CYP26C1: variants seen among roughly 807,000 people sequenced by gnomAD.
CYP26C1 encodes cytochrome P450 family 26 subfamily C member 1.
CYP26C1 carries 41 observed loss-of-function variants against 39.1 expected under a neutral mutation model. The observed-to-expected ratio is 1.05, with a 90% confidence interval of 0.82 to 1.36. The LOEUF (loss-of-function observed/expected upper bound fraction) is 1.36. Ranked by LOEUF, CYP26C1 falls within the 40% of genes most tolerant of loss-of-function variation. The pLI, the probability that CYP26C1 is intolerant of heterozygous loss-of-function variation, is 0.00. For missense variants in CYP26C1, 833 were observed against 752.0 expected (o/e 1.11, Z -1.26); for synonymous variants, 362 against 350.8 (o/e 1.03, Z -0.36).
Position 93,066,209 on chromosome 10 carries a change from T to TG in CYP26C1, c.1117dup (p.Val373GlyfsTer38), listed in dbSNP as rs2134414631. The TG allele has an allele frequency of 2.7e-6, 4 of 1,476,384 alleles. No homozygotes were observed. The highest frequency in any genetic ancestry group is 2.7e-6 in the Non-Finnish European group (3 of 1,116,270). 91.5% of individuals were successfully genotyped at this position (1,476,384 alleles called of 1,614,324 possible). On this transcript the variant is annotated frameshift_variant, in exon 5 of 6. Transcript: ENST00000651965. LOFTEE classifies it high-confidence loss of function. ...GGCCGTCTGCGCTACGTCGACTGCG[T>TG]GGTCAAGGAGGTGCTGCGCCTCCTG...
At chr10:93,061,800 C>A (rs1401361457) in intron 1 of CYP26C1, among the ~76,000 whole-genome samples, 1 of 152,228 alleles carries the variant, frequency 6.6e-6, no homozygotes, top group Non-Finnish European at 1.5e-5. Flanking sequence ...GCCCTCACTT[C>A]TTCACTCTGA....
intron 4 of CYP26C1, 78 bp downstream of exon 4, chr10:93,064,614 G>T: frequency 6.5e-7 from 1 of 1,532,864 alleles, no homozygotes; most frequent in Non-Finnish European, 8.8e-7. Context: ...CATCCCCAGA[G>T]CCACATCTTG....
intron 1 of CYP26C1, among the ~76,000 whole-genome samples, chr10:93,061,721 G>A (rs775467847): frequency 6.6e-6 from 1 of 152,188 alleles, no homozygotes; most frequent in Non-Finnish European, 1.5e-5. Flanking sequence ...TTTTAGGAAG[G>A]GGTCTGAGGA....
intron 1 of CYP26C1, 138 bp downstream of exon 1, chr10:93,061,605 A>C: frequency 1.8e-6 from 2 of 1,130,940 alleles, no homozygotes; most frequent in Non-Finnish European, 2.5e-6. Context: ...AGCGCGCACA[A>C]CTCTCGCCTT....
rs769763099 is a variant in CYP26C1 at position 93,068,489 on chromosome 10, G to A, written c.1361G>A (p.Gly454Asp). ...SSRFHYIPFG[G>D]GARSCLGQEL... is the part of the protein sequence containing the mutation. Reference sequence around the variant, plus strand: ...CGCTTCCATTACATCCCGTTCGGCGGCGGTGCGCGCAGCTGCCTCGGCCAG... The same window carrying A: ...CGCTTCCATTACATCCCGTTCGGCGACGGTGCGCGCAGCTGCCTCGGCCAG... Residue 454 changes from glycine (G) to aspartate (D), a missense_variant, in exon 6 of 6, where the codon GGC becomes GAC. Gly to Asp is a moderately conservative substitution (Grantham distance 94, BLOSUM62 -1). Coordinates refer to ENST00000651965, the MANE Select transcript of CYP26C1 (RefSeq NM_183374.3). The A allele has an allele frequency of 6.2e-7, 1 of 1,608,910 alleles. No individual in the cohort carries two copies. Among genetic ancestry groups the A allele is most frequent in the Non-Finnish European group, 8.5e-7 (1 of 1,178,154 alleles).
Position 93,066,105 on chromosome 10 carries a change from C to A in CYP26C1, c.1011C>A (p.Cys337Ter). 1 of 1,323,178 alleles carries A rather than the reference C, an allele frequency of 7.6e-7. No individual in the cohort carries two copies. 82.0% of individuals were successfully genotyped at this position (1,323,178 alleles called of 1,614,324 possible). A position where few individuals can be genotyped will look rare whatever the true frequency, so the allele number is the denominator to read the frequency against. The change falls in exon 5 of 6, where the codon TGC becomes TGA. Residue 337 changes from cysteine (C) to a stop codon, truncating the protein, a stop_gained. Coordinates refer to ENST00000651965, the MANE Select transcript of CYP26C1 (RefSeq NM_183374.3). LOFTEE classifies it high-confidence loss of function. Reference sequence around the variant, plus strand: ...AGGGGCTGGGGCGCGCGTGCGGCTGCGCGCCCGGGGCCGCTGGGGGCAGCG... The same window carrying A: ...AGGGGCTGGGGCGCGCGTGCGGCTGAGCGCCCGGGGCCGCTGGGGGCAGCG... ...VAQGLGRACG[C>*]APGAAGGSEG...
intron 5 of CYP26C1, among the ~76,000 whole-genome samples, chr10:93,067,288 C>T (rs1156909758): frequency 6.6e-6 from 1 of 152,238 alleles, no homozygotes; most frequent in Non-Finnish European, 1.5e-5. Flanking sequence ...TGCTGGATGA[C>T]ACCAACACAT....
At chr10:93,066,410 C>T (rs1481215242) in intron 5 of CYP26C1, 125 bp downstream of exon 5, 18 of 917,524 alleles carry the variant, frequency 2.0e-5, no homozygotes, top group Non-Finnish European at 2.0e-5. Flanking sequence ...GGCGCGGTCA[C>T]CTCTTTTGCC....
At chr10:93,063,965 T>G in intron 3 of CYP26C1, 1 of 1,000,326 alleles carries the variant, frequency 1.0e-6, no homozygotes, top group Non-Finnish European at 1.2e-6. Flanking sequence ...GTCCTCTAAG[T>G]CAGAGCTTTG....
Position 93,062,853 on chromosome 10 carries a change from T to A in CYP26C1, c.563T>A (p.Leu188His). The A allele has an allele frequency of 6.3e-7, 1 of 1,599,096 alleles. No individual in the cohort carries two copies. Among genetic ancestry groups the A allele is most frequent in the Non-Finnish European group, 8.5e-7 (1 of 1,177,648 alleles). The change falls in exon 3 of 6, where the codon CTC becomes CAC. Residue 188 changes from leucine to histidine, a missense_variant. Physicochemically the swap from Leu to His is moderately conservative, Grantham distance 99. Transcript: ENST00000651965. The part of the protein sequence containing the change: ...PVSVYDASKA[L>H]TFRMAARILL... ...TCAGTCTACGACGCCTCCAAAGCGC[T>A]CACCTTCCGCATGGCCGCGCGCATC...
In CYP26C1 at chr10:93,069,437, C is replaced by A. The variant is rs1846868902; in HGVS notation, c.*740C>A. 1 of 152,246 alleles carries A rather than the reference C, an allele frequency of 6.6e-6. No individual in the cohort carries two copies. Among genetic ancestry groups the A allele is most frequent in the Non-Finnish European group, 1.5e-5 (1 of 68,060 alleles). 9.4% of individuals were successfully genotyped at this position (152,246 alleles called of 1,614,324 possible). The stretch of plus-strand genomic sequence containing the variant: ...AATAGGCACACCAACACGTCTCCAA[C>A]GCTGGATTATTTTCATGGGAGGTTG... On this transcript the variant is annotated 3_prime_UTR_variant, in exon 6 of 6. Coordinates refer to ENST00000651965, the MANE Select transcript of CYP26C1 (RefSeq NM_183374.3).
In CYP26C1 at chr10:93,062,191, C is replaced by CA; in HGVS notation, c.387dup (p.Leu130ThrfsTer39). On this transcript the variant is annotated frameshift_variant, in exon 2 of 6. Coordinates refer to ENST00000651965, the MANE Select transcript of CYP26C1 (RefSeq NM_183374.3). LOFTEE classifies it high-confidence loss of function. ...GCGCACATCCTGCTGGGCTCGCACACACTGCTAGGTGCGGTCGGCGAGCCG... is the reference window on the plus strand; with the variant it reads ...GCGCACATCCTGCTGGGCTCGCACACAACTGCTAGGTGCGGTCGGCGAGCCG... 6.5e-7 allele frequency: 1 copy of CA among 1,535,898 alleles called. No individual in the cohort carries two copies. Among genetic ancestry groups the CA allele is most frequent in the Non-Finnish European group, 8.7e-7 (1 of 1,146,216 alleles).
In CYP26C1 at chr10:93,066,005, C is replaced by A; in HGVS notation, c.911C>A (p.Ala304Asp). The A allele has an allele frequency of 1.3e-6, 2 of 1,581,374 alleles. 1 individual carries two copies. Among genetic ancestry groups the A allele is most frequent in the South Asian group, 2.3e-5 (2 of 88,566 alleles). ...LFAAFFTTAS[A>D]STSLVLLLLQ... ...GCCGCCTTCTTCACCACGGCCAGTG[C>A]CAGCACCTCGCTCGTCCTGCTGCTA... is the stretch of plus-strand genomic sequence containing the variant. The change falls in exon 5 of 6, where the codon GCC becomes GAC. Residue 304 changes from alanine to aspartate, a missense_variant. Ala to Asp is a moderately radical substitution (Grantham distance 126, BLOSUM62 -2). Transcript: ENST00000651965.
At chr10:93,065,265 G>A (rs1846809836) in intron 4 of CYP26C1, among the ~76,000 whole-genome samples, 1 of 152,218 alleles carries the variant, frequency 6.6e-6, no homozygotes, top group Non-Finnish European at 1.5e-5. Flanking sequence ...AGACATCCCT[G>A]AAGGGTAGGC....
In CYP26C1 at chr10:93,068,525, A is replaced by G; in HGVS notation, c.1397A>G (p.Gln466Arg). ...AGCTGCCTCGGCCAGGAGCTGGCGC[A>G]AGCCGTGCTCCAGCTGCTAGCTGTG... ...ARSCLGQELAQAVLQLLAVEL... is the reference protein window; with the variant it reads ...ARSCLGQELARAVLQLLAVEL... Residue 466 changes from glutamine to arginine, a missense_variant, in exon 6 of 6, where the codon CAA becomes CGA. Coordinates refer to ENST00000651965, the MANE Select transcript of CYP26C1 (RefSeq NM_183374.3). 1 of 1,603,714 alleles carries G rather than the reference A, an allele frequency of 6.2e-7. No homozygotes were observed. Among genetic ancestry groups the G allele is most frequent in the Non-Finnish European group, 8.5e-7 (1 of 1,175,580 alleles).
chr10:93,063,100 T>A, intron 3 of CYP26C1, 105 bp downstream of exon 3: 2 of 1,461,188 alleles, frequency 1.4e-6, no homozygotes, highest in Non-Finnish European at 9.0e-7. Context: ...GTCCGTCACC[T>A]CTGCTGGGAA....
intron 3 of CYP26C1, chr10:93,063,363 T>C: frequency 9.6e-7 from 1 of 1,036,356 alleles, no homozygotes; most frequent in Non-Finnish European, 1.2e-6. Flanking sequence ...CCATCACCTC[T>C]TCGGAAGCCC....
In CYP26C1 at chr10:93,064,894, A is replaced by G. The variant is rs1397548137; in HGVS notation, c.861+358A>G. The G allele has an allele frequency of 9.5e-6, 9 of 950,044 alleles. No individual in the cohort carries two copies. The African/African-American group carries it at 1.6e-4, about 17-fold the overall frequency. 58.9% of individuals were successfully genotyped at this position (950,044 alleles called of 1,614,324 possible). Reference sequence around the variant, plus strand: ...TCCCCCTGCCTACAAAGCCCTCATTATTCATTTTTTCTAGAAACTCTAAGG... The same window carrying G: ...TCCCCCTGCCTACAAAGCCCTCATTGTTCATTTTTTCTAGAAACTCTAAGG... On this transcript the variant is annotated intron_variant, in intron 4 of 5. Coordinates refer to ENST00000651965, the MANE Select transcript of CYP26C1 (RefSeq NM_183374.3).
rs1227378177 is a variant in CYP26C1, at chr10:93,068,917, T to C, written c.*220T>C. ...AGAAGCATCTAAGCCCATGGGAAGA[T>C]GCCTTCTGCGCTCCGCGCCCAGAGG... On this transcript the variant is annotated 3_prime_UTR_variant, in exon 6 of 6. Transcript: ENST00000651965. 9.6e-6 allele frequency: 7 copies of C among 731,298 alleles called. No individual in the cohort carries two copies. Among genetic ancestry groups the C allele is most frequent in the African/African-American group, 7.4e-5 (4 of 54,014 alleles). 45.3% of individuals were successfully genotyped at this position (731,298 alleles called of 1,614,324 possible).
Sources: allele counts gnomAD v4.1 joint callset (sites outside exome capture counted in the v4.1 genomes callset), GRCh38; gene constraint gnomAD v4.1.1; transcripts MANE v1.5; gene names NCBI Gene and HGNC (gene_info 2026-07-23, HGNC 2026-07-21).